The following TAF2 variants were observed in gnomAD, a reference collection of about 807,000 sequenced individuals.
TAF2 encodes TATA-box binding protein associated factor 2, also known as transcription initiation factor TFIID subunit 2.
In TAF2, 61 loss-of-function variants were observed where a neutral mutation model predicts 138.5. The observed-to-expected ratio is 0.44, with a 90% CI of 0.36 to 0.54. The LOEUF is 0.54. Ranked by LOEUF, TAF2 falls within the 20% of genes least tolerant of loss-of-function variation. The pLI, the probability that TAF2 is intolerant of heterozygous loss-of-function variation, is 0.00. For synonymous variants in TAF2, 475 were observed against 469.9 expected (o/e 1.01, Z -0.14); for missense variants, 1,090 against 1,427.9 (o/e 0.76, Z 3.81).
chr8:119,737,826 G>A (rs2130979115), intron 25 of TAF2, among the ~76,000 whole-genome samples: 1 of 151,854 alleles, frequency 6.6e-6, no homozygotes, highest in African/African-American at 2.4e-5. Context: ...TTTTTTAAAG[G>A]AGAAATTAAA....
At chr8:119,752,372 G>A (rs893548884) in intron 22 of TAF2, among the ~76,000 whole-genome samples, 9 of 151,926 alleles carry the variant, frequency 5.9e-5, no homozygotes, top group East Asian at 1.9e-4. Flanking sequence ...AGAATTTAAG[G>A]CTAAGTGGAG....
rs1818879781 is a variant in TAF2 at position 119,731,572 on chromosome 8, C to G, written c.*352G>C. The G allele has an allele frequency of 3.4e-6, 1 of 293,062 alleles. No individual in the cohort carries two copies. The highest frequency in any genetic ancestry group is 6.6e-6 in the Non-Finnish European group (1 of 151,826). 18.2% of individuals were successfully genotyped at this position (293,062 alleles called of 1,614,324 possible). A position where few individuals can be genotyped will look rare whatever the true frequency, so the allele number is the denominator to read the frequency against. On this transcript the variant is annotated 3_prime_UTR_variant, in exon 26 of 26. Transcript: ENST00000378164. ...CATAACTTTGCCCCATAACATCCAC[C>G]AAAGGCTTTCAAACATAATTGACTT... is the stretch of plus-strand genomic sequence containing the variant.
rs1284573604 is a variant in TAF2 at position 119,732,092 on chromosome 8, A to C, written c.3432T>G (p.Ser1144Arg). 6.2e-7 allele frequency: 1 copy of C among 1,614,126 alleles called. No homozygotes were observed. Among genetic ancestry groups the C allele is most frequent in the Non-Finnish European group, 8.5e-7 (1 of 1,180,028 alleles). Residue 1144 changes from serine (S) to arginine (R), a missense_variant, in exon 26 of 26, where the codon AGT becomes AGG. Coordinates refer to ENST00000378164, the MANE Select transcript of TAF2 (RefSeq NM_003184.4). ...FTKESTASKH[S>R]DHHHHHHHEH... is the part of the protein sequence containing the mutation. ...CATGGTGATGGTGGTGATGGTGGTC[A>C]CTGTGTTTGGAGGCTGTAGATTCCT...
Position 119,746,831 on chromosome 8 carries a change from C to A in TAF2, c.2982G>T (p.Leu994Phe), listed in dbSNP as rs535043282. The change falls in exon 23 of 26, where the codon TTG becomes TTT. Residue 994 changes from leucine (L) to phenylalanine (F), a missense_variant. This residue lies in a region of TAF2 where 580 missense variants were observed against 719.6 expected (regional missense o/e 0.81). Transcript: ENST00000378164. ...CTTTTTTCTCCTTTAGATTAAGAAC[C>A]AACCCAAGCTCTGGCAAGGGTAAAC... is the stretch of plus-strand genomic sequence containing the variant. The part of the protein sequence containing the change: ...PSCLPLPELG[L>F]VLNLKEKKAV... 24 of 1,614,094 alleles carry A rather than the reference C, an allele frequency of 1.5e-5. No individual in the cohort carries two copies. In the South Asian group the frequency reaches 2.2e-4, roughly 15 times the overall value.
At chr8:119,824,905 C>T (rs115726638) in intron 2 of TAF2, among the ~76,000 whole-genome samples, 88 of 152,360 alleles carry the variant, frequency 5.8e-4, no homozygotes, top group African/African-American at 2.0e-3. Context: ...GTAGGATCCT[C>T]ACAGAGAACC....
At chr8:119,804,432 C>G (rs904984227) in intron 4 of TAF2, among the ~76,000 whole-genome samples, 3 of 152,194 alleles carry the variant, frequency 2.0e-5, no homozygotes, top group Non-Finnish European at 2.9e-5. Flanking sequence ...GCGCCCATAA[C>G]TCCCATGTGG....
chr8:119,818,863 TGTA>T, intron 3 of TAF2, among the ~76,000 whole-genome samples: 1 of 152,280 alleles, frequency 6.6e-6, no homozygotes, highest in South Asian at 2.1e-4. Context: ...CCTCAATAGA[TGTA>T]GTATTTATCT....
chr8:119,799,972 A>T (rs976423255), intron 6 of TAF2, among the ~76,000 whole-genome samples: 2 of 152,132 alleles, frequency 1.3e-5, no homozygotes, highest in Non-Finnish European at 2.9e-5. Context: ...GTCTGTTCAT[A>T]TCCTTCGCCC....
At chr8:119,816,473 T>C (rs773541851) in intron 3 of TAF2, among the ~76,000 whole-genome samples, 9 of 152,248 alleles carry the variant, frequency 5.9e-5, no homozygotes, top group Non-Finnish European at 8.8e-5. Context: ...TACTTGTATG[T>C]AAAATCAATG....
rs772328280 is a variant in TAF2, at chr8:119,783,418, T to C, written c.2075A>G (p.Tyr692Cys). Residue 692 changes from tyrosine (Y) to cysteine (C), a missense_variant, in exon 16 of 26, where the codon TAC (tyrosine) becomes TGC (cysteine). Tyr to Cys is a radical substitution (Grantham distance 194). Transcript: ENST00000378164. ...GAAGCAAGCTGACATTCTTACTCTG[T>C]AGAAACACTGCTCTTGTTCTAATAT... Reference protein sequence around the residue: ...TDILEQEQCFYRVRMSACFCL... With the variant: ...TDILEQEQCFCRVRMSACFCL... 1.2e-6 allele frequency: 2 copies of C among 1,614,036 alleles called. No individual in the cohort carries two copies.
chr8:119,812,519 T>G (rs1279927904), intron 3 of TAF2, among the ~76,000 whole-genome samples: 2 of 152,172 alleles, frequency 1.3e-5, no homozygotes, highest in Non-Finnish European at 2.9e-5. Flanking sequence ...CTTCTATCAC[T>G]CTGTATGTCT....
At chr8:119,787,350 TATA>T (rs1302130404) in intron 14 of TAF2, among the ~76,000 whole-genome samples, 1 of 150,800 alleles carries the variant, frequency 6.6e-6, no homozygotes, top group Non-Finnish European at 1.5e-5. Flanking sequence ...AAACTTAAAG[TATA>T]ATAATAATAA....
intron 22 of TAF2, among the ~76,000 whole-genome samples, chr8:119,754,603 A>G (rs530407312): frequency 6.6e-6 from 1 of 152,202 alleles, no homozygotes; most frequent in Admixed American, 6.5e-5. Context: ...CAATCGCCTG[A>G]ACTTGGGAGG....
Position 119,787,137 on chromosome 8 carries a change from T to A in TAF2, c.1793+1201A>T, listed in dbSNP as rs182528095. On this transcript the variant is annotated intron_variant, in intron 14 of 25. Coordinates refer to ENST00000378164, the MANE Select transcript of TAF2 (RefSeq NM_003184.4). Reference sequence around the variant, plus strand: ...CAGGCAACCTACAGATTTGGAAAAATTTTTGCAATCTATCCAACTGACAAA... The same window carrying A: ...CAGGCAACCTACAGATTTGGAAAAAATTTTGCAATCTATCCAACTGACAAA... 9.2e-5 allele frequency among the ~76,000 whole-genome samples: 14 copies of A among 151,876 alleles called. No homozygotes were observed. The East Asian group carries it at 2.7e-3, about 30-fold the overall frequency.
chr8:119,804,107 T>C, intron 4 of TAF2, 88 bp from the exon 5 acceptor site: 1 of 1,490,734 alleles, frequency 6.7e-7, no homozygotes, highest in Non-Finnish European at 9.3e-7. Flanking sequence ...GAACATGAAA[T>C]GGAATTGAGG....
At position 119,826,261 on chromosome 8, in the gene TAF2, T is replaced by TA. The variant is rs559420093; in HGVS notation, c.138+5415dup. Reference sequence around the variant, plus strand: ...TGTAACCCAGAACTTAAAGTATAATTAAAAAAAAAAAAACAAGAAACAAAC... The same window carrying TA: ...TGTAACCCAGAACTTAAAGTATAATTAAAAAAAAAAAAAACAAGAAACAAAC... On this transcript the variant is annotated intron_variant, in intron 2 of 25. Transcript: ENST00000378164. Among the ~76,000 whole-genome samples the TA allele has an allele frequency of 2.4e-3, 349 of 143,802 alleles. 2 individuals are homozygous for TA. The highest frequency in any genetic ancestry group is 5.3e-3 in the African/African-American group (210 of 39,460). 94.3% of individuals were successfully genotyped at this position (143,802 alleles called of 152,430 possible).
intron 7 of TAF2, among the ~76,000 whole-genome samples, chr8:119,797,425 A>G (rs1417252980): frequency 6.6e-6 from 1 of 151,854 alleles, no homozygotes; most frequent in Non-Finnish European, 1.5e-5. Flanking sequence ...TAAAACAGGG[A>G]AAATACTAAT....
chr8:119,782,318 A>C (rs1408326900), intron 16 of TAF2, among the ~76,000 whole-genome samples: 2 of 152,186 alleles, frequency 1.3e-5, no homozygotes, highest in African/African-American at 2.4e-5. Flanking sequence ...ATCATGCCCC[A>C]AAAAATGAAA....
intron 18 of TAF2, 101 bp downstream of exon 18, chr8:119,777,918 T>C (rs1822371216): frequency 7.5e-6 from 5 of 664,488 alleles, no homozygotes; most frequent in South Asian, 5.9e-5. Context: ...AGACTAAATA[T>C]TTATTTAGAA....
Sources: gnomAD v4.1 joint callset for allele counts (sites outside exome capture counted in the v4.1 genomes callset) on GRCh38, gnomAD v4.1.1 for gene constraint, gnomAD v4.1.1 regional missense constraint, MANE v1.5 for transcripts, NCBI Gene and HGNC (gene_info 2026-07-23, HGNC 2026-07-21) for gene names.